Variants in KLF8 observed in about 807,000 individuals in gnomAD.
KLF8 encodes KLF transcription factor 8.
KLF8 carries 10 observed loss-of-function variants against 18.2 expected under a neutral mutation model. That is an observed-to-expected ratio of 0.55 (90% CI 0.34 to 0.93). The LOEUF is 0.93. Among genes scored for constraint, KLF8 ranks in the 40% least tolerant of loss-of-function variants. The pLI, the probability that KLF8 is intolerant of heterozygous loss-of-function variation, is 0.02. For synonymous variants in KLF8, 109 were observed against 97.3 expected, an observed-to-expected ratio of 1.12 and a Z score of -0.71; for missense variants, 264 against 277.9, an observed-to-expected ratio of 0.95 and a Z score of 0.36.
At chrX:56,255,037 C>T (rs1012040164) in intron 2 of KLF8, among the ~76,000 whole-genome samples, 1 of 112,595 alleles carries the variant, frequency 8.9e-6, no homozygotes, top group Non-Finnish European at 1.9e-5. Flanking sequence ...AATATTGATT[C>T]TTCCAATCCA....
the KLF8 span, among the ~76,000 whole-genome samples, chrX:55,975,775 TGAC>T: frequency 9.1e-6 from 1 of 110,245 alleles, no homozygotes; most frequent in South Asian, 3.9e-4. Flanking sequence ...AGGGAATGGC[TGAC>T]TTTTTTAAAA....
At chrX:56,120,180 A>C in the KLF8 span, among the ~76,000 whole-genome samples, 1 of 110,597 alleles carries the variant, frequency 9.0e-6, no homozygotes, top group Non-Finnish European at 1.9e-5. Context: ...CGATGTGGGA[A>C]TTCTGGATGC....
At chrX:56,078,863 AGTCTTGGGAGAGT>A in the KLF8 span, among the ~76,000 whole-genome samples, 1,824 of 110,912 alleles carry the variant, frequency 0.016, 21 homozygotes, top group Middle Eastern at 0.046. Flanking sequence ...TTCCTGGTTT[AGTCTTGGGAGAGT>A]GTATGTGTCC....
At chrX:56,272,280 G>A (rs1426672152) in intron 5 of KLF8, among the ~76,000 whole-genome samples, 2 of 110,310 alleles carry the variant, frequency 1.8e-5, no homozygotes, top group Non-Finnish European at 1.9e-5. Context: ...GCGTGATCTC[G>A]GATCACTGCA....
intron 5 of KLF8, among the ~76,000 whole-genome samples, chrX:56,279,762 T>C (rs774186616): frequency 1.5e-4 from 17 of 111,727 alleles, no homozygotes; most frequent in Non-Finnish European, 2.6e-4. Context: ...GGTTTCTGTT[T>C]TGGGTGACTG....
chrX:56,047,774 T>G, the KLF8 span, among the ~76,000 whole-genome samples: 1 of 111,548 alleles, frequency 9.0e-6, no homozygotes, highest in Non-Finnish European at 1.9e-5. Flanking sequence ...CCTTTGAGTA[T>G]ATGCCTAGTA....
At chrX:56,265,941 A>C in intron 3 of KLF8, 197 bp downstream of exon 3, 1 of 1,010,779 alleles carries the variant, frequency 9.9e-7, no homozygotes, top group South Asian at 3.7e-5. Flanking sequence ...ATGCTTCTCA[A>C]ACAAGTACAA....
At chrX:55,960,133 C>A in the KLF8 span, among the ~76,000 whole-genome samples, 4 of 112,108 alleles carry the variant, frequency 3.6e-5, no homozygotes, top group African/African-American at 1.3e-4. Context: ...AATCTCATAT[C>A]CTGCCAAACT....
chrX:56,242,372 A>T (rs1488878594), intron 1 of KLF8, among the ~76,000 whole-genome samples: 2 of 112,167 alleles, frequency 1.8e-5, no homozygotes, highest in Non-Finnish European at 3.8e-5. Context: ...CATCTTAAGT[A>T]TGTGACCGTA....
At chrX:56,050,330 T>G in the KLF8 span, among the ~76,000 whole-genome samples, 1 of 111,967 alleles carries the variant, frequency 8.9e-6, no homozygotes, top group Non-Finnish European at 1.9e-5. Context: ...TTTTTGCTCT[T>G]GCTTTTCTAG....
At chrX:56,096,435 T>G in the KLF8 span, among the ~76,000 whole-genome samples, 1 of 111,198 alleles carries the variant, frequency 9.0e-6, no homozygotes, top group East Asian at 2.8e-4. Flanking sequence ...ACCCCTTAAA[T>G]CCATGAAAAT....
At chrX:55,946,076 A>T in the KLF8 span, among the ~76,000 whole-genome samples, 32 of 111,810 alleles carry the variant, frequency 2.9e-4, no homozygotes, top group Non-Finnish European at 4.5e-4. Context: ...TAATTTATAG[A>T]TTCAATGCCA....
the KLF8 span, among the ~76,000 whole-genome samples, chrX:56,189,788 C>G: frequency 1.0e-5 from 1 of 99,206 alleles, no homozygotes; most frequent in South Asian, 4.9e-4. Context: ...CCAAACACCA[C>G]ATGTTCTCAC....
chrX:56,078,284 T>C, the KLF8 span, among the ~76,000 whole-genome samples: 2 of 112,062 alleles, frequency 1.8e-5, no homozygotes, highest in African/African-American at 6.5e-5. Flanking sequence ...GGGTTTGTCA[T>C]AGATAGCTCT....
the KLF8 span, among the ~76,000 whole-genome samples, chrX:56,047,066 T>C: frequency 2.7e-5 from 3 of 110,663 alleles, no homozygotes; most frequent in Non-Finnish European, 5.7e-5. Flanking sequence ...TTTTTAATTT[T>C]TTTTTTTGTC....
At chrX:56,001,612 C>A in the KLF8 span, among the ~76,000 whole-genome samples, 4 of 112,132 alleles carry the variant, frequency 3.6e-5, no homozygotes, top group Admixed American at 9.4e-5. Context: ...TTCTCCTCAA[C>A]CAGATTTCTC....
chrX:56,185,481 C>A, the KLF8 span, among the ~76,000 whole-genome samples: 2 of 111,680 alleles, frequency 1.8e-5, no homozygotes, highest in Non-Finnish European at 3.8e-5. Context: ...CTTCCCCAAT[C>A]TAGCAAGGCA....
chrX:56,022,893 G>T, the KLF8 span, among the ~76,000 whole-genome samples: 13 of 111,225 alleles, frequency 1.2e-4, no homozygotes, highest in Admixed American at 9.6e-4. Flanking sequence ...GGAGCCATTT[G>T]TCAGAAATAA....
At chrX:56,083,296 A>G in the KLF8 span, among the ~76,000 whole-genome samples, 1 of 112,341 alleles carries the variant, frequency 8.9e-6, no homozygotes, top group Non-Finnish European at 1.9e-5. Flanking sequence ...CTCATTTAAT[A>G]TTTGGTTTAT....
Sources: gnomAD v4.1 joint callset for allele counts (sites outside exome capture counted in the v4.1 genomes callset) on GRCh38, gnomAD v4.1.1 for gene constraint, MANE v1.5 for transcripts, NCBI Gene and HGNC (gene_info 2026-07-23, HGNC 2026-07-21) for gene names.